Variants in ROBO2 observed in about 807,000 individuals in gnomAD.
ROBO2 encodes roundabout homolog 2.
In ROBO2, 53 loss-of-function variants were observed where a neutral mutation model predicts 160.8. The ratio of observed to expected loss-of-function variants is 0.33; its 90% CI spans 0.26 to 0.41. ROBO2 has a LOEUF of 0.41. Among genes scored for constraint, ROBO2 ranks in the 10% least tolerant of loss-of-function variants. ROBO2 has a pLI of 1.00. For synonymous variants in ROBO2, 664 were observed against 611.7 expected (o/e 1.09, Z -1.26); for missense variants, 1,577 against 1,722.4 (o/e 0.92, Z 1.49).
At chr3:77,134,277 T>G (rs187312323) in intron 2 of ROBO2, among the ~76,000 whole-genome samples, 65 of 152,330 alleles carry the variant, frequency 4.3e-4, no homozygotes, top group African/African-American at 1.5e-3. Context: ...TTTTTCTCCA[T>G]GATAGGTAAG....
intron 2 of ROBO2, among the ~76,000 whole-genome samples, chr3:76,549,993 C>G (rs1032679064): frequency 2.0e-5 from 3 of 152,190 alleles, no homozygotes; most frequent in Non-Finnish European, 4.4e-5. Flanking sequence ...AGCTAATAAT[C>G]TAACTGAATT....
intron 2 of ROBO2, among the ~76,000 whole-genome samples, chr3:76,406,691 T>A (rs1428904696): frequency 1.3e-5 from 2 of 151,912 alleles, no homozygotes; most frequent in African/African-American, 2.4e-5. Flanking sequence ...TTCTTTATTC[T>A]ACTACTTGTA....
At chr3:76,929,777 A>T (rs561655112) in intron 2 of ROBO2, among the ~76,000 whole-genome samples, 1 of 151,908 alleles carries the variant, frequency 6.6e-6, no homozygotes, top group Admixed American at 6.6e-5. Context: ...GGAAGAAGAG[A>T]CTCCACTGTG....
At chr3:77,263,459 T>C (rs1348111404) in intron 2 of ROBO2, among the ~76,000 whole-genome samples, 1 of 152,196 alleles carries the variant, frequency 6.6e-6, no homozygotes, top group Non-Finnish European at 1.5e-5. Context: ...CATGTGTCCA[T>C]GGGTCCATAT....
intron 2 of ROBO2, among the ~76,000 whole-genome samples, chr3:76,003,093 C>A (rs777295638): frequency 6.6e-6 from 1 of 152,098 alleles, no homozygotes; most frequent in Non-Finnish European, 1.5e-5. Flanking sequence ...ACTGCTGGGC[C>A]CACTATGTCC....
intron 2 of ROBO2, among the ~76,000 whole-genome samples, chr3:76,355,021 T>A (rs1260815269): frequency 6.6e-6 from 1 of 150,832 alleles, no homozygotes; most frequent in Non-Finnish European, 1.5e-5. Context: ...TGTATGTGTA[T>A]GTTTATGTGT....
At chr3:77,556,419 TA>T (rs1475649662) in intron 8 of ROBO2, among the ~76,000 whole-genome samples, 12 of 151,888 alleles carry the variant, frequency 7.9e-5, no homozygotes, top group Non-Finnish European at 1.6e-4. Context: ...TTATCACTGA[TA>T]AAATAGGTTT....
Position 76,414,768 on chromosome 3 carries a change from TA to T in ROBO2, c.109+477177del, listed in dbSNP as rs1280654650. 3.3e-3 allele frequency among the ~76,000 whole-genome samples: 420 copies of T among 127,080 alleles called. 3 individuals carry two copies. The highest frequency in any genetic ancestry group is 0.015 in the African/African-American group (391 of 26,314). The allele number at this position is 127,080 out of a possible 152,430, so 83.4% of individuals were successfully genotyped here. A position where few individuals can be genotyped will look rare whatever the true frequency, so the allele number is the denominator to read the frequency against. On this transcript the variant is annotated intron_variant, in intron 2 of 26. Coordinates refer to the ROBO2 transcript ENST00000487694. ...GTACCCTAAAACTTAAAGTATAATT[TA>T]AAAAAAAAAAGAAAAAGACAAAAAA...
intron 2 of ROBO2, among the ~76,000 whole-genome samples, chr3:76,673,398 G>T (rs1025436190): frequency 6.6e-6 from 1 of 152,120 alleles, no homozygotes; most frequent in African/African-American, 2.4e-5. Context: ...CTGAGAGTTC[G>T]CATTTTTAAC....
chr3:77,046,476 CAT>C lies in ROBO2; in HGVS notation c.61+5632_61+5633del, dbSNP rs549209472. 1.2e-4 allele frequency among the ~76,000 whole-genome samples: 19 copies of C among 152,230 alleles called. No individual in the cohort carries two copies. The East Asian group carries it at 3.7e-3, about 29-fold the overall frequency. On this transcript the variant is annotated intron_variant, in intron 1 of 25. Transcript: ENST00000461745. Reference sequence around the variant, plus strand: ...GATCTCAGCAATAGTAAATATAAATCATAGAATGATAGCATCTCGGAGCCATT... The same window carrying C: ...GATCTCAGCAATAGTAAATATAAATCAGAATGATAGCATCTCGGAGCCATT...
intron 2 of ROBO2, among the ~76,000 whole-genome samples, chr3:76,315,783 A>G (rs868411997): frequency 2.0e-5 from 3 of 152,188 alleles, no homozygotes; most frequent in Admixed American, 1.3e-4. Flanking sequence ...CATTAATCAG[A>G]TTTGAACACA....
intron 2 of ROBO2, among the ~76,000 whole-genome samples, chr3:76,794,492 A>G (rs1643923995): frequency 6.6e-6 from 1 of 151,964 alleles, no homozygotes; most frequent in Non-Finnish European, 1.5e-5. Flanking sequence ...GTAATGTATC[A>G]AGGGTTTTGA....
At chr3:76,297,903 G>A (rs1709161855) in intron 2 of ROBO2, among the ~76,000 whole-genome samples, 1 of 152,146 alleles carries the variant, frequency 6.6e-6, no homozygotes, top group Non-Finnish European at 1.5e-5. Flanking sequence ...TATAAAACAA[G>A]AGCAGGTACA....
chr3:76,829,295 A>G (rs568382026), intron 2 of ROBO2, among the ~76,000 whole-genome samples: 1 of 152,266 alleles, frequency 6.6e-6, no homozygotes, highest in African/African-American at 2.4e-5. Context: ...GCCCAGTCAT[A>G]TCTTTTCATG....
At chr3:76,981,357 T>C (rs2060087427) in intron 2 of ROBO2, among the ~76,000 whole-genome samples, 1 of 152,196 alleles carries the variant, frequency 6.6e-6, no homozygotes, top group African/African-American at 2.4e-5. Flanking sequence ...CCACAGCACT[T>C]TTTTACTACA....
At chr3:76,639,278 A>G (rs2090508643) in intron 2 of ROBO2, among the ~76,000 whole-genome samples, 1 of 151,990 alleles carries the variant, frequency 6.6e-6, no homozygotes, top group Admixed American at 6.6e-5. Flanking sequence ...ATGTACATAT[A>G]CATATAGGTA....
intron 2 of ROBO2, among the ~76,000 whole-genome samples, chr3:76,093,239 G>C (rs2069303203): frequency 6.6e-6 from 1 of 151,696 alleles, no homozygotes; most frequent in South Asian, 2.1e-4. Flanking sequence ...CCATCAGCTT[G>C]CTTCCTCATT....
At chr3:76,836,469 G>T (rs1342015765) in intron 2 of ROBO2, among the ~76,000 whole-genome samples, 2 of 149,090 alleles carry the variant, frequency 1.3e-5, no homozygotes, top group African/African-American at 4.9e-5. Flanking sequence ...ATTAAAAAAA[G>T]ACTTTGGGGG....
At chr3:76,984,215 C>T (rs555687459) in intron 2 of ROBO2, among the ~76,000 whole-genome samples, 1 of 152,168 alleles carries the variant, frequency 6.6e-6, no homozygotes, top group South Asian at 2.1e-4. Flanking sequence ...GGGCCACAGC[C>T]GAACCATATC....
Sources: allele counts gnomAD v4.1 joint callset (sites outside exome capture counted in the v4.1 genomes callset), GRCh38; gene constraint gnomAD v4.1.1; transcripts MANE v1.5; gene names NCBI Gene and HGNC (gene_info 2026-07-23, HGNC 2026-07-21).